CFAP52: variants seen among roughly 807,000 people sequenced by gnomAD.
CFAP52 encodes the protein cilia and flagella associated protein 52, also known as cilia- and flagella-associated protein 52.
Under a neutral mutation model 70.5 loss-of-function variants are expected in CFAP52, and 57 were observed. The observed-to-expected ratio is 0.81, with a 90% CI of 0.65 to 1.01. The LOEUF (loss-of-function observed/expected upper bound fraction) is 1.01. Among genes scored for constraint, CFAP52 ranks in the 50% least tolerant of loss-of-function variants. CFAP52 has a pLI of 0.00. For missense variants in CFAP52, 785 were observed against 788.5 expected, an observed-to-expected ratio of 1.00 and a Z score of 0.05; for synonymous variants, 267 against 292.5, an observed-to-expected ratio of 0.91 and a Z score of 0.89.
At chr17:9,626,091 T>G (rs1206466506) in intron 8 of CFAP52, among the ~76,000 whole-genome samples, 1 of 152,194 alleles carries the variant, frequency 6.6e-6, no homozygotes, top group Admixed American at 6.5e-5. Context: ...CTCATCATGA[T>G]CCAATCAATT....
At chr17:9,639,877 A>G (rs113302651) in intron 12 of CFAP52, among the ~76,000 whole-genome samples, 1,977 of 152,244 alleles carry the variant, frequency 0.013, 50 homozygotes, top group African/African-American at 0.045. Flanking sequence ...GGGGCTGCCC[A>G]GGAGAGTGTC....
In CFAP52 at chr17:9,594,297, A is replaced by G; in HGVS notation, c.512A>G (p.Asp171Gly). ...AATGTGATCTTCTCCAGGTGCCGGG[A>G]TGAGATGTTTATGACTGCTGGAAAG... ...ATNVIFSRCR[D>G]EMFMTAGNGT... Residue 171 changes from aspartate to glycine, a missense_variant, in exon 4 of 14, where the codon GAT becomes GGT. Asp to Gly is a moderately conservative substitution (Grantham distance 94, BLOSUM62 -1). Transcript: ENST00000352665. 1 of 1,613,856 alleles carries G rather than the reference A, an allele frequency of 6.2e-7. No homozygotes were observed. The highest frequency in any genetic ancestry group is 1.7e-5 in the Admixed American group (1 of 59,954).
rs560554556 is a variant in CFAP52, at chr17:9,627,034, A to C, written c.1026-1638A>C. The stretch of plus-strand genomic sequence containing the variant: ...ATGGTCTTTATTGTACCCCAATATT[A>C]CTTCTTCTTATTATTTGAATTGGAA... On this transcript the variant is annotated intron_variant, in intron 8 of 13. Coordinates refer to ENST00000352665, the MANE Select transcript of CFAP52 (RefSeq NM_145054.5). Among the ~76,000 whole-genome samples, 668 of 151,834 alleles carry C rather than the reference A, an allele frequency of 4.4e-3. 2 individuals are homozygous for C. Among genetic ancestry groups the C allele is most frequent in the Non-Finnish European group, 8.3e-3 (562 of 67,932 alleles).
Position 9,631,086 on chromosome 17 carries a change from A to AAGAAAGAAAGAAAG in CFAP52, c.1175-1791_1175-1790insAAGAGAAAGAAAGA, listed in dbSNP as rs1567635059. ...AGAAAGAAAGAAAGAAAGAAAGAGA[A>AAGAAAGAAAGAAAG]AGAAAGAAAGAGAAAGAAAGAACAT... On this transcript the variant is annotated intron_variant, in intron 9 of 13. Coordinates refer to ENST00000352665, the MANE Select transcript of CFAP52 (RefSeq NM_145054.5). Among the ~76,000 whole-genome samples the AAGAAAGAAAGAAAG allele has an allele frequency of 2.9e-5, 4 of 138,034 alleles. 1 individual carries two copies. Among genetic ancestry groups the AAGAAAGAAAGAAAG allele is most frequent in the East Asian group, 2.6e-4 (1 of 3,856 alleles). The allele number at this position is 138,034 out of a possible 152,430, so 90.6% of individuals were successfully genotyped here.
intron 2 of CFAP52, 23 bp from the exon 3 acceptor site, chr17:9,586,648 AGATGCTTTTAATGCCTCCCTATGATCT>A (rs756391328): frequency 6.5e-7 from 1 of 1,543,558 alleles, no homozygotes; most frequent in Non-Finnish European, 8.7e-7. Flanking sequence ...CTATCTCCTC[AGATGCTTTTAATGCCTCCCTATGATCT>A]GACGGTGTGT....
chr17:9,612,503 A>T, intron 8 of CFAP52, 24 bp downstream of exon 8: 1 of 1,605,424 alleles, frequency 6.2e-7, no homozygotes, highest in Non-Finnish European at 8.5e-7. Context: ...AAAAACAAGA[A>T]TGTGGAGATT....
chr17:9,598,054 GA>G (rs1439310439), intron 4 of CFAP52, among the ~76,000 whole-genome samples, 179 bp from the exon 5 acceptor site: 1 of 151,966 alleles, frequency 6.6e-6, no homozygotes, highest in Non-Finnish European at 1.5e-5. Flanking sequence ...TGGGAGGGGG[GA>G]TCATAAAACC....
chr17:9,590,073 G>A (rs747782160), intron 3 of CFAP52: 5 of 191,372 alleles, frequency 2.6e-5, no homozygotes, highest in Admixed American at 9.8e-5. Context: ...GATATGTTCC[G>A]TGAGAATCCA....
chr17:9,612,556 C>A, intron 8 of CFAP52, 77 bp downstream of exon 8: 1 of 1,460,924 alleles, frequency 6.8e-7, no homozygotes, highest in South Asian at 1.4e-5. Context: ...AATGCATTTT[C>A]AATATTAATG....
chr17:9,585,469 C>CCAG (rs1380934597), intron 1 of CFAP52, among the ~76,000 whole-genome samples: 3 of 152,192 alleles, frequency 2.0e-5, no homozygotes, highest in East Asian at 1.9e-4. Flanking sequence ...CAGTTCAAGA[C>CCAG]CAGCCTGACC....
chr17:9,582,618 T>A (rs1908274067), intron 1 of CFAP52, among the ~76,000 whole-genome samples: 1 of 152,182 alleles, frequency 6.6e-6, no homozygotes. Flanking sequence ...ATCCTTCCAA[T>A]AACAATGTCT....
intron 9 of CFAP52, among the ~76,000 whole-genome samples, chr17:9,631,068 A>AAAGAGAGAGAGAGAGAGAGAGAG (rs1910506998): frequency 9.4e-6 from 1 of 106,588 alleles, no homozygotes; most frequent in Non-Finnish European, 1.9e-5. Context: ...GAAAGAAAGA[A>AAAGAGAGAGAGAGAGAGAGAGAG]AGAAAGAAAG....
intron 12 of CFAP52, among the ~76,000 whole-genome samples, chr17:9,641,066 G>A (rs1911033987): frequency 6.6e-6 from 1 of 152,124 alleles, no homozygotes. Flanking sequence ...TGAATAGATT[G>A]TGCATTCACA....
intron 9 of CFAP52, among the ~76,000 whole-genome samples, chr17:9,632,216 T>A (rs796270471): frequency 5.9e-5 from 9 of 151,436 alleles, no homozygotes; most frequent in African/African-American, 2.2e-4. Context: ...TAGCTAGGAC[T>A]AAATGGGCAT....
intron 8 of CFAP52, among the ~76,000 whole-genome samples, chr17:9,623,858 G>A (rs1408359595): frequency 6.6e-6 from 1 of 151,606 alleles, no homozygotes; most frequent in African/African-American, 2.4e-5. Context: ...ATTTTGCCTG[G>A]TTCATTTAAC....
At position 9,598,372 on chromosome 17, in the gene CFAP52, C is replaced by T. The variant is rs541216238; in HGVS notation, c.636+39C>T. 1.5e-5 allele frequency: 23 copies of T among 1,551,416 alleles called. No homozygotes were observed. In the African/African-American group the frequency reaches 1.6e-4, roughly 11 times the overall value. On this transcript the variant is annotated intron_variant, in intron 5 of 13. Transcript: ENST00000352665. ...TAAGTATTAAGTAACAATTAGCACA[C>T]GTTCCTGTTAGCAGTGCTGACCAAG...
At chr17:9,593,212 G>T (rs1007071435) in intron 3 of CFAP52, among the ~76,000 whole-genome samples, 2 of 152,012 alleles carry the variant, frequency 1.3e-5, no homozygotes, top group Non-Finnish European at 2.9e-5. Flanking sequence ...CCCCTCCCCA[G>T]CATTTTTTTG....
rs1376277846 is a variant in CFAP52 at position 9,604,407 on chromosome 17, A to G, written c.754-3712A>G. ...AAGGACTGTTACCCAAAATATACAG[A>G]GAACTTTTAAAACTCAACAATAAGA... On this transcript the variant is annotated intron_variant, in intron 6 of 13. Coordinates refer to ENST00000352665, the MANE Select transcript of CFAP52 (RefSeq NM_145054.5). 2.6e-5 allele frequency among the ~76,000 whole-genome samples: 4 copies of G among 152,174 alleles called. 1 individual carries two copies. Among genetic ancestry groups the G allele is most frequent in the African/African-American group, 9.7e-5 (4 of 41,432 alleles).
intron 9 of CFAP52, 72 bp downstream of exon 9, chr17:9,628,892 A>G (rs1419020761): frequency 3.8e-6 from 6 of 1,595,624 alleles, no homozygotes; most frequent in Non-Finnish European, 5.1e-6. Context: ...CTCCTCCCAT[A>G]CTAGTCTCTA....
Sources: allele counts gnomAD v4.1 joint callset (sites outside exome capture counted in the v4.1 genomes callset), GRCh38; gene constraint gnomAD v4.1.1; transcripts MANE v1.5; gene names NCBI Gene and HGNC (gene_info 2026-07-23, HGNC 2026-07-21).